Variants in ERP44 observed in about 807,000 individuals in gnomAD.
The protein encoded by ERP44 is endoplasmic reticulum resident protein 44.
Under a neutral mutation model 53.4 loss-of-function variants are expected in ERP44, and 25 were observed. That is an observed-to-expected ratio of 0.47 (90% CI 0.34 to 0.65). The LOEUF is 0.65. Among genes scored for constraint, ERP44 ranks in the 30% least tolerant of loss-of-function variants. The pLI is 0.01. For missense variants in ERP44, 338 were observed against 493.2 expected (o/e 0.69, Z 2.98); for synonymous variants, 145 against 161.2 (o/e 0.90, Z 0.76).
intron 10 of ERP44, among the ~76,000 whole-genome samples, chr9:100,003,001 T>C (rs914351975): frequency 6.6e-6 from 1 of 152,216 alleles, no homozygotes; most frequent in Non-Finnish European, 1.5e-5. Flanking sequence ...TCATTCTTTT[T>C]TTCTTCTGTA....
At chr9:100,071,515 T>G (rs1173455696) in intron 1 of ERP44, among the ~76,000 whole-genome samples, 1 of 152,210 alleles carries the variant, frequency 6.6e-6, no homozygotes, top group Non-Finnish European at 1.5e-5. Context: ...TTCTTATTCT[T>G]AAGTAGAGTA....
chr9:100,067,209 C>CCTCTCT (rs1471409834), intron 1 of ERP44, among the ~76,000 whole-genome samples: 1 of 152,194 alleles, frequency 6.6e-6, no homozygotes, highest in Non-Finnish European at 1.5e-5. Flanking sequence ...TCTCCCTCTC[C>CCTCTCT]CTCTCTTTCC....
intron 3 of ERP44, among the ~76,000 whole-genome samples, chr9:100,057,487 A>C (rs1047709068): frequency 3.3e-5 from 5 of 152,232 alleles, no homozygotes; most frequent in Admixed American, 3.3e-4. Flanking sequence ...GACATACCCA[A>C]ATCATGACTT....
intron 4 of ERP44, among the ~76,000 whole-genome samples, chr9:100,035,712 TAAAA>T (rs1290852816): frequency 6.6e-6 from 1 of 150,796 alleles, no homozygotes; most frequent in African/African-American, 2.4e-5. Flanking sequence ...AAAAAGTAAA[TAAAA>T]AAACAAAAAG....
At chr9:100,071,915 C>CT (rs1177839130) in intron 1 of ERP44, among the ~76,000 whole-genome samples, 3 of 152,110 alleles carry the variant, frequency 2.0e-5, no homozygotes, top group African/African-American at 7.2e-5. Flanking sequence ...GAGTGAAACT[C>CT]TGTCTCCAGA....
chr9:100,037,399 G>C (rs1825856530), intron 4 of ERP44, among the ~76,000 whole-genome samples: 1 of 152,152 alleles, frequency 6.6e-6, no homozygotes, highest in African/African-American at 2.4e-5. Context: ...AAACTTGAAA[G>C]GCAGTGTAGG....
intron 6 of ERP44, among the ~76,000 whole-genome samples, chr9:100,019,784 G>A (rs1006113897): frequency 2.0e-5 from 3 of 152,160 alleles, no homozygotes; most frequent in Admixed American, 2.0e-4. Flanking sequence ...ACCCTTCAGA[G>A]GAATTGAAAA....
intron 6 of ERP44, 24 bp from the exon 7 acceptor site, chr9:100,018,337 T>C (rs762043785): frequency 2.1e-6 from 3 of 1,448,870 alleles, no homozygotes; most frequent in South Asian, 1.1e-5. Flanking sequence ...GAAATAGTAA[T>C]AAACCTGAAT....
intron 10 of ERP44, among the ~76,000 whole-genome samples, chr9:99,990,099 G>T (rs534059108): frequency 6.6e-6 from 1 of 152,310 alleles, no homozygotes; most frequent in East Asian, 1.9e-4. Context: ...CACTCTTCAG[G>T]ATATTATCCA....
At chr9:100,066,874 T>A (rs891258751) in intron 1 of ERP44, among the ~76,000 whole-genome samples, 1 of 152,154 alleles carries the variant, frequency 6.6e-6, no homozygotes, top group Non-Finnish European at 1.5e-5. Context: ...AAGTTGGGTA[T>A]CAATCAAGGC....
intron 1 of ERP44, among the ~76,000 whole-genome samples, chr9:100,062,596 C>T (rs892434568): frequency 5.3e-5 from 8 of 152,144 alleles, no homozygotes; most frequent in African/African-American, 9.7e-5. Flanking sequence ...CAAATGCATA[C>T]GGCATGGTGT....
At chr9:100,086,687 C>T (rs1036641339) in intron 1 of ERP44, among the ~76,000 whole-genome samples, 32 of 152,306 alleles carry the variant, frequency 2.1e-4, no homozygotes, top group African/African-American at 7.0e-4. Flanking sequence ...ACTATCACAA[C>T]AGCTAAAAAG....
chr9:100,090,103 A>C (rs1389457387), intron 1 of ERP44, among the ~76,000 whole-genome samples: 1 of 152,212 alleles, frequency 6.6e-6, no homozygotes, highest in Non-Finnish European at 1.5e-5. Context: ...GCTATTTAGA[A>C]AGTTTGAGGA....
At chr9:100,043,610 C>T (rs919937961) in intron 4 of ERP44, among the ~76,000 whole-genome samples, 2 of 152,006 alleles carry the variant, frequency 1.3e-5, no homozygotes, top group Non-Finnish European at 2.9e-5. Context: ...CAAAAATTAG[C>T]TGGCCGTGGT....
chr9:100,023,957 C>T (rs1157005134), intron 4 of ERP44, among the ~76,000 whole-genome samples: 2 of 152,036 alleles, frequency 1.3e-5, no homozygotes, highest in African/African-American at 4.8e-5. Context: ...GAGTTTGAGA[C>T]CAGCCTGGCC....
chr9:100,048,742 T>C (rs1826004524), intron 4 of ERP44, among the ~76,000 whole-genome samples: 1 of 152,238 alleles, frequency 6.6e-6, no homozygotes, highest in Non-Finnish European at 1.5e-5. Flanking sequence ...GCGGACATTA[T>C]GCTAAGTGAA....
At chr9:100,042,571 G>A (rs764365577) in intron 4 of ERP44, among the ~76,000 whole-genome samples, 2 of 152,164 alleles carry the variant, frequency 1.3e-5, no homozygotes, top group Admixed American at 6.5e-5. Flanking sequence ...TACACCCAAA[G>A]GAAAGGAAAT....
chr9:100,098,659 G>A, intron 1 of ERP44, 125 bp downstream of exon 1: 1 of 736,028 alleles, frequency 1.4e-6, no homozygotes, highest in Non-Finnish European at 2.3e-6. Flanking sequence ...CAGCGGGGGA[G>A]GGTGCACTCC....
At chr9:100,069,185 C>G (rs1351759080) in intron 1 of ERP44, among the ~76,000 whole-genome samples, 1 of 151,878 alleles carries the variant, frequency 6.6e-6, no homozygotes, top group Admixed American at 6.6e-5. Flanking sequence ...CCTAGGAAAA[C>G]CAGAGACCTT....
Sources: allele counts gnomAD v4.1 joint callset (sites outside exome capture counted in the v4.1 genomes callset), GRCh38; gene constraint gnomAD v4.1.1; transcripts MANE v1.5; gene names NCBI Gene and HGNC (gene_info 2026-07-23, HGNC 2026-07-21).